ITGA9: variants seen among roughly 807,000 people sequenced by gnomAD.
ITGA9 encodes integrin subunit alpha 9, also known as integrin alpha-9.
A neutral mutation model predicts 127.8 loss-of-function variants in ITGA9; 56 were observed. The observed-to-expected ratio is 0.44, with a 90% CI of 0.35 to 0.55. The LOEUF is 0.55. Among genes scored for constraint, ITGA9 ranks in the 20% least tolerant of loss-of-function variants. ITGA9 has a pLI of 0.00. For synonymous variants in ITGA9, 508 were observed against 514.5 expected, an observed-to-expected ratio of 0.99 and a Z score of 0.17; for missense variants, 1,196 against 1,347.1, an observed-to-expected ratio of 0.89 and a Z score of 1.76.
chr3:37,551,070 A>G (rs1699373826), intron 15 of ITGA9, among the ~76,000 whole-genome samples: 1 of 152,126 alleles, frequency 6.6e-6, no homozygotes, highest in Non-Finnish European at 1.5e-5. Context: ...TAAGTTGATG[A>G]ATAATAGGAA....
At position 37,521,192 on chromosome 3, in the gene ITGA9, A is replaced by C. The variant is rs17036527; in HGVS notation, c.1236+1838A>C. Among the ~76,000 whole-genome samples, 410 of 152,324 alleles carry C rather than the reference A, an allele frequency of 2.7e-3. 2 individuals carry two copies. The highest frequency in any genetic ancestry group is 9.6e-3 in the African/African-American group (401 of 41,558). On this transcript the variant is annotated intron_variant, in intron 11 of 27. Coordinates refer to ENST00000264741, the MANE Select transcript of ITGA9 (RefSeq NM_002207.3). ...GCTAATATGCATATGATAAGGGCAG[A>C]GATTTAAAAGAAAAAAAATTCTTTA... is the stretch of plus-strand genomic sequence containing the variant.
intron 15 of ITGA9, among the ~76,000 whole-genome samples, chr3:37,555,160 G>A (rs1699418251): frequency 6.6e-6 from 1 of 152,214 alleles, no homozygotes; most frequent in African/African-American, 2.4e-5. Context: ...GACATGCAAA[G>A]GGGCTCTTTA....
chr3:37,541,365 A>G (rs982417647), intron 14 of ITGA9, among the ~76,000 whole-genome samples: 1 of 152,204 alleles, frequency 6.6e-6, no homozygotes, highest in Admixed American at 6.5e-5. Flanking sequence ...GTTAAAAAAT[A>G]AAAAGGGTTA....
intron 27 of ITGA9, among the ~76,000 whole-genome samples, chr3:37,804,325 A>G (rs1161737243): frequency 3.9e-5 from 6 of 152,156 alleles, no homozygotes; most frequent in African/African-American, 1.4e-4. Flanking sequence ...CTTTTCCTCT[A>G]AGGAATGTGA....
intron 11 of ITGA9, among the ~76,000 whole-genome samples, chr3:37,522,118 G>A (rs780984195): frequency 3.3e-5 from 5 of 152,026 alleles, no homozygotes; most frequent in Admixed American, 6.6e-5. Flanking sequence ...GAAGGATAAG[G>A]AAAGAAAGTC....
chr3:37,615,229 G>A (rs944408812), intron 15 of ITGA9, among the ~76,000 whole-genome samples: 3 of 152,110 alleles, frequency 2.0e-5, no homozygotes, highest in Admixed American at 6.5e-5. Flanking sequence ...ATAATCATGT[G>A]GTTTTTGTCG....
intron 18 of ITGA9, among the ~76,000 whole-genome samples, chr3:37,686,535 A>C (rs911040797): frequency 1.3e-5 from 2 of 152,178 alleles, no homozygotes; most frequent in African/African-American, 2.4e-5. Context: ...GGTACAAGCC[A>C]TTGGCCACTG....
chr3:37,716,167 A>G (rs1028752197), intron 18 of ITGA9, among the ~76,000 whole-genome samples: 2 of 152,176 alleles, frequency 1.3e-5, no homozygotes. Context: ...TGTTCATGCA[A>G]AGAAGGTGCC....
At chr3:37,673,035 A>G (rs868259916) in intron 17 of ITGA9, among the ~76,000 whole-genome samples, 9 of 152,124 alleles carry the variant, frequency 5.9e-5, no homozygotes, top group Non-Finnish European at 1.2e-4. Context: ...GTGAAAATTG[A>G]TATTCATATT....
chr3:37,637,044 T>A (rs939093046), intron 16 of ITGA9, among the ~76,000 whole-genome samples: 4 of 152,238 alleles, frequency 2.6e-5, no homozygotes, highest in Admixed American at 6.5e-5. Flanking sequence ...AGCCTTGTAG[T>A]ATAATTTAAA....
At chr3:37,738,051 G>A (rs777959713) in intron 20 of ITGA9, among the ~76,000 whole-genome samples, 10 of 152,114 alleles carry the variant, frequency 6.6e-5, no homozygotes, top group Non-Finnish European at 1.3e-4. Context: ...TAGCTAATCC[G>A]CAGTTTATGT....
At position 37,704,288 on chromosome 3, in the gene ITGA9, CCCACCAG is replaced by C. The variant is rs532794236; in HGVS notation, c.2067+20276_2067+20282del. Among the ~76,000 whole-genome samples the C allele has an allele frequency of 4.0e-3, 607 of 152,240 alleles. 2 individuals carry two copies. Among genetic ancestry groups the C allele is most frequent in the Non-Finnish European group, 6.5e-3 (443 of 68,014 alleles). The stretch of plus-strand genomic sequence containing the variant: ...GGATTCTGGCACACAGACCCAGCTC[CCCACCAG>C]CCTCCCCTGGAATGAGCTTTCCTGA... On this transcript the variant is annotated intron_variant, in intron 18 of 27. Coordinates refer to ENST00000264741, the MANE Select transcript of ITGA9 (RefSeq NM_002207.3).
intron 15 of ITGA9, among the ~76,000 whole-genome samples, chr3:37,618,924 C>T (rs1361559623): frequency 6.6e-6 from 1 of 152,164 alleles, no homozygotes; most frequent in African/African-American, 2.4e-5. Flanking sequence ...TGAGGTGATG[C>T]CTCGCCCTGC....
chr3:37,701,609 G>A (rs1257285107), intron 18 of ITGA9, among the ~76,000 whole-genome samples: 1 of 152,184 alleles, frequency 6.6e-6, no homozygotes, highest in African/African-American at 2.4e-5. Context: ...GACACTTCTG[G>A]CCTGTTGTTT....
chr3:37,794,085 G>A (rs1359127615), intron 26 of ITGA9, among the ~76,000 whole-genome samples: 1 of 152,214 alleles, frequency 6.6e-6, no homozygotes, highest in African/African-American at 2.4e-5. Flanking sequence ...TGACCTCATT[G>A]TGTGAGGTGT....
At chr3:37,708,415 C>T (rs1303350744) in intron 18 of ITGA9, among the ~76,000 whole-genome samples, 1 of 152,190 alleles carries the variant, frequency 6.6e-6, no homozygotes, top group Non-Finnish European at 1.5e-5. Flanking sequence ...ATGGGAGTAG[C>T]TGCGAAGTCA....
In ITGA9 at chr3:37,792,886, G is replaced by A. The variant is rs996331912; in HGVS notation, c.2889+7808G>A. Among the ~76,000 whole-genome samples the A allele has an allele frequency of 9.2e-5, 14 of 152,254 alleles. 1 individual carries two copies. The highest frequency in any genetic ancestry group is 2.0e-4 in the Admixed American group (3 of 15,290). On this transcript the variant is annotated intron_variant, in intron 26 of 27. Transcript: ENST00000264741. ...GTGCGGTGACCGGTGCCACTCACAC[G>A]TAAGGAATGCTTATCCTGGAGGGCT...
intron 15 of ITGA9, among the ~76,000 whole-genome samples, chr3:37,563,445 GGTTC>G (rs1186765570): frequency 9.9e-4 from 151 of 152,280 alleles, no homozygotes; most frequent in African/African-American, 3.2e-3. Flanking sequence ...CAGGAGATTT[GGTTC>G]GGCTGGCACT....
At position 37,498,450 on chromosome 3, in the gene ITGA9, AT is replaced by A. The variant is rs530432787; in HGVS notation, c.612+3884del. 1.6e-3 allele frequency among the ~76,000 whole-genome samples: 240 copies of A among 151,678 alleles called. 1 individual carries two copies. Among genetic ancestry groups the A allele is most frequent in the African/African-American group, 5.6e-3 (228 of 40,970 alleles). On this transcript the variant is annotated intron_variant, in intron 5 of 27. Coordinates refer to ENST00000264741, the MANE Select transcript of ITGA9 (RefSeq NM_002207.3). ...TGCCGCAGCAGCTGGCAAGTCAGGC[AT>A]TGGGCTGAGTGGAGGCAGGGAGTGG... is the stretch of plus-strand genomic sequence containing the variant.
Sources: gnomAD v4.1 joint callset for allele counts (sites outside exome capture counted in the v4.1 genomes callset) on GRCh38, gnomAD v4.1.1 for gene constraint, MANE v1.5 for transcripts, NCBI Gene and HGNC (gene_info 2026-07-23, HGNC 2026-07-21) for gene names.